The following MTHFD1L variants were observed in gnomAD, a reference collection of about 807,000 sequenced individuals.
The protein encoded by MTHFD1L is methylenetetrahydrofolate dehydrogenase (NADP+ dependent) 1 like, also known as monofunctional C1-tetrahydrofolate synthase, mitochondrial.
A neutral mutation model predicts 119.5 loss-of-function variants in MTHFD1L; 81 were observed. That is an observed-to-expected ratio of 0.68 (90% CI 0.57 to 0.82). The LOEUF (loss-of-function observed/expected upper bound fraction) is 0.82, where lower values mean the gene tolerates loss of function less well. Ranked by LOEUF, MTHFD1L falls within the 40% of genes least tolerant of loss-of-function variation. The pLI is 0.00. For synonymous variants in MTHFD1L, 430 were observed against 475.2 expected, an observed-to-expected ratio of 0.90 and a Z score of 1.24; for missense variants, 1,125 against 1,253.4, an observed-to-expected ratio of 0.90 and a Z score of 1.55.
chr6:151,020,383 C>T (rs556572033), intron 24 of MTHFD1L, among the ~76,000 whole-genome samples: 9 of 152,278 alleles, frequency 5.9e-5, no homozygotes, highest in African/African-American at 1.4e-4. Flanking sequence ...TTCCTAATGG[C>T]GAGCTCACAG....
chr6:150,942,630 T>G (rs1356746896), intron 13 of MTHFD1L, among the ~76,000 whole-genome samples: 3 of 152,152 alleles, frequency 2.0e-5, no homozygotes, highest in Non-Finnish European at 4.4e-5. Flanking sequence ...TGAAGAATCT[T>G]TAATGATGTA....
chr6:151,013,750 AT>A, intron 21 of MTHFD1L, 28 bp from the exon 22 acceptor site: 1 of 1,592,612 alleles, frequency 6.3e-7, no homozygotes, highest in Non-Finnish European at 8.6e-7. Flanking sequence ...TTATAGGATT[AT>A]TCTTCATGTT....
intron 20 of MTHFD1L, among the ~76,000 whole-genome samples, chr6:151,008,978 C>T (rs527824256): frequency 2.6e-5 from 4 of 151,386 alleles, no homozygotes; most frequent in Admixed American, 6.6e-5. Context: ...AAAAATTAGC[C>T]GGGTGTGGTG....
chr6:150,987,124 C>G (rs1778421415), intron 20 of MTHFD1L, among the ~76,000 whole-genome samples: 1 of 152,232 alleles, frequency 6.6e-6, no homozygotes, highest in South Asian at 2.1e-4. Flanking sequence ...TTCAATTTTG[C>G]AAAAATAATA....
At chr6:151,094,787 A>G (rs968771954) in intron 27 of MTHFD1L, among the ~76,000 whole-genome samples, 46 of 149,140 alleles carry the variant, frequency 3.1e-4, no homozygotes, top group Non-Finnish European at 7.4e-5. Flanking sequence ...CAGGTGATCC[A>G]CCCGCCTCAG....
intron 20 of MTHFD1L, among the ~76,000 whole-genome samples, chr6:150,980,797 C>T (rs913139904): frequency 6.6e-6 from 1 of 151,616 alleles, no homozygotes; most frequent in African/African-American, 2.4e-5. Flanking sequence ...TCCCGTGGAC[C>T]CTCCTGATCC....
chr6:151,079,569 A>T (rs1792919047), intron 26 of MTHFD1L, among the ~76,000 whole-genome samples: 1 of 151,926 alleles, frequency 6.6e-6, no homozygotes, highest in Admixed American at 6.6e-5. Context: ...GGCTCACCGC[A>T]ACCTCCGCCC....
intron 13 of MTHFD1L, among the ~76,000 whole-genome samples, chr6:150,939,807 C>G (rs1475820722): frequency 6.6e-6 from 1 of 151,442 alleles, no homozygotes; most frequent in Non-Finnish European, 1.5e-5. Context: ...GCCTCAGCCT[C>G]CTGAGTAGCT....
At chr6:151,029,195 C>A in intron 24 of MTHFD1L, among the ~76,000 whole-genome samples, 1 of 151,762 alleles carries the variant, frequency 6.6e-6, no homozygotes, top group Non-Finnish European at 1.5e-5. Context: ...CCGAGGCAGG[C>A]AGATCACCTG....
intron 19 of MTHFD1L, among the ~76,000 whole-genome samples, chr6:150,970,752 A>T (rs540516366): frequency 2.4e-4 from 37 of 152,338 alleles, no homozygotes; most frequent in Non-Finnish European, 4.4e-4. Context: ...CAACATGTTT[A>T]ATTTGATGTA....
In MTHFD1L at chr6:150,922,194, C is replaced by T. The variant is rs199845049; in HGVS notation, c.985-11C>T. 4.3e-4 allele frequency: 684 copies of T among 1,607,278 alleles called. 5 individuals are homozygous for T. In the African/African-American group the frequency reaches 7.9e-3, roughly 19 times the overall value. ...CATTCTAACATGTTTTCCCCTCTAT[C>T]CCTGCTGAAGAACATGGTCAGTAGT... On this transcript the variant is annotated splice_polypyrimidine_tract_variant and intron_variant, in intron 9 of 27. Transcript: ENST00000367321.
chr6:151,034,832 T>G (rs1361335003), intron 25 of MTHFD1L, among the ~76,000 whole-genome samples: 1 of 152,234 alleles, frequency 6.6e-6, no homozygotes. Flanking sequence ...ACTATAAATG[T>G]GTCTGATATG....
intron 10 of MTHFD1L, among the ~76,000 whole-genome samples, chr6:150,925,727 C>T (rs547371348): frequency 1.1e-4 from 16 of 152,074 alleles, no homozygotes; most frequent in Admixed American, 2.0e-4. Context: ...CCAGCCCGAT[C>T]GGAGATTATT....
At chr6:151,011,205 T>C (rs1782164441) in intron 21 of MTHFD1L, among the ~76,000 whole-genome samples, 1 of 152,370 alleles carries the variant, frequency 6.6e-6, no homozygotes, top group African/African-American at 2.4e-5. Flanking sequence ...GCAAGAATGA[T>C]ATAATACAGA....
At position 150,938,731 on chromosome 6, in the gene MTHFD1L, A is replaced by C; in HGVS notation, c.1426A>C (p.Ile476Leu). The change falls in exon 13 of 28, where the codon ATC (isoleucine) becomes CTC (leucine). Residue 476 changes from isoleucine (I) to leucine (L), a missense_variant. Transcript: ENST00000367321. ...GAAGGGYAQV[I>L]PMEEFNLHLT... ...CGCGGGTGGTGGATATGCCCAGGTC[A>C]TCCCCATGGAGGAGGTAAGACCTTG... The C allele has an allele frequency of 6.2e-7, 1 of 1,610,080 alleles. No homozygotes were observed. Among genetic ancestry groups the C allele is most frequent in the Non-Finnish European group, 8.5e-7 (1 of 1,178,442 alleles).
intron 1 of MTHFD1L, among the ~76,000 whole-genome samples, chr6:150,875,058 T>C (rs1358781743): frequency 6.6e-6 from 1 of 151,664 alleles, no homozygotes; most frequent in Non-Finnish European, 1.5e-5. Flanking sequence ...TTTTTTTTTT[T>C]TTCTTTTTTT....
chr6:151,097,075 T>C (rs897459087), intron 27 of MTHFD1L, among the ~76,000 whole-genome samples: 1 of 152,176 alleles, frequency 6.6e-6, no homozygotes, highest in Non-Finnish European at 1.5e-5. Flanking sequence ...TTGATACTTT[T>C]CCCCCCATTC....
chr6:150,935,172 T>C lies in MTHFD1L; in HGVS notation c.1257-1632T>C, dbSNP rs371042893. The C allele has an allele frequency of 2.5e-6, 4 of 1,612,322 alleles. No homozygotes were observed. The African/African-American group carries it at 4.0e-5, about 16-fold the overall frequency. ...GTAAGCTTGGGAAATTCTAAAACAG[T>C]CACTTTTCACTTCTGGGATGTAGGT... On this transcript the variant is annotated intron_variant, in intron 11 of 27. Coordinates refer to ENST00000367321, the MANE Select transcript of MTHFD1L (RefSeq NM_015440.5).
chr6:150,987,823 C>T (rs977182168), intron 20 of MTHFD1L, among the ~76,000 whole-genome samples: 3 of 152,202 alleles, frequency 2.0e-5, no homozygotes, highest in Non-Finnish European at 4.4e-5. Flanking sequence ...TCTGCATGGC[C>T]ACTAGGCTTT....
Sources: allele counts gnomAD v4.1 joint callset (sites outside exome capture counted in the v4.1 genomes callset), GRCh38; gene constraint gnomAD v4.1.1; transcripts MANE v1.5; gene names NCBI Gene and HGNC (gene_info 2026-07-23, HGNC 2026-07-21).